The following DOK6 variants were observed in gnomAD, a reference collection of about 807,000 sequenced individuals.
DOK6 encodes the protein downstream of tyrosine kinase 6.
A neutral mutation model predicts 44.0 loss-of-function variants in DOK6; 22 were observed. That is an observed-to-expected ratio of 0.50 (90% CI 0.36 to 0.71). The LOEUF (loss-of-function observed/expected upper bound fraction) is 0.71. Ranked by LOEUF, DOK6 falls within the 30% of genes least tolerant of loss-of-function variation. DOK6 has a pLI of 0.00. For synonymous variants in DOK6, 166 were observed against 145.5 expected, an observed-to-expected ratio of 1.14 and a Z score of -1.01; for missense variants, 340 against 416.4, an observed-to-expected ratio of 0.82 and a Z score of 1.60.
intron 1 of DOK6, among the ~76,000 whole-genome samples, chr18:69,459,342 T>C (rs954802413): frequency 3.3e-5 from 5 of 152,066 alleles, no homozygotes; most frequent in Non-Finnish European, 5.9e-5. Context: ...GTTAATATTA[T>C]GTGCTTGTTT....
At chr18:69,692,666 AT>A (rs1210836396) in intron 4 of DOK6, among the ~76,000 whole-genome samples, 2 of 152,206 alleles carry the variant, frequency 1.3e-5, no homozygotes, top group African/African-American at 2.4e-5. Context: ...TAGAGTTGAC[AT>A]TTGCCATTTA....
chr18:69,617,712 A>AAAGG, intron 3 of DOK6, among the ~76,000 whole-genome samples: 1 of 97,300 alleles, frequency 1.0e-5, no homozygotes, highest in African/African-American at 3.1e-5. Context: ...AAGAGAAAAG[A>AAAGG]AAGAAAGAAA....
chr18:69,706,514 CTTT>C (rs34689612), intron 5 of DOK6, among the ~76,000 whole-genome samples: 3 of 147,512 alleles, frequency 2.0e-5, no homozygotes, highest in South Asian at 2.1e-4. Flanking sequence ...TCAAGAAACT[CTTT>C]TTTTTTTTAA....
At chr18:69,483,013 G>A (rs994634557) in intron 1 of DOK6, among the ~76,000 whole-genome samples, 2 of 151,712 alleles carry the variant, frequency 1.3e-5, no homozygotes, top group Admixed American at 1.3e-4. Context: ...TAGCCATTAG[G>A]TATATTTTCT....
At chr18:69,458,562 G>T (rs1440082749) in intron 1 of DOK6, among the ~76,000 whole-genome samples, 1 of 152,040 alleles carries the variant, frequency 6.6e-6, no homozygotes, top group African/African-American at 2.4e-5. Flanking sequence ...CAAGGGAAAG[G>T]AATAAAAGGA....
chr18:69,627,310 T>C (rs72959701), intron 3 of DOK6, among the ~76,000 whole-genome samples: 13,195 of 152,218 alleles, frequency 0.087, 635 homozygotes, highest in African/African-American at 0.13. Context: ...ACATTTCAGT[T>C]GGTTGTTTGC....
rs868651467 is a variant in DOK6, at chr18:69,740,469, C to G, written c.738+1366C>G. On this transcript the variant is annotated intron_variant, in intron 6 of 7. Transcript: ENST00000382713. ...ATGATGTCACTTGCTATTAGTTAAC[C>G]TCTGTACTTCTTTACTTATAGTTGT... Among the ~76,000 whole-genome samples the G allele has an allele frequency of 2.0e-5, 3 of 152,210 alleles. No individual in the cohort carries two copies. The South Asian group carries it at 6.2e-4, about 32-fold the overall frequency.
intron 1 of DOK6, among the ~76,000 whole-genome samples, chr18:69,539,850 G>T (rs1982221641): frequency 6.6e-6 from 1 of 152,186 alleles, no homozygotes; most frequent in Middle Eastern, 3.4e-3. Context: ...AATGAAATAT[G>T]TATTAGTTTG....
At chr18:69,790,460 C>G (rs923132093) in intron 7 of DOK6, among the ~76,000 whole-genome samples, 10 of 152,018 alleles carry the variant, frequency 6.6e-5, no homozygotes, top group Non-Finnish European at 1.3e-4. Context: ...TTTCTGAGAA[C>G]CACTAAATTA....
At chr18:69,603,585 C>A (rs1983923235) in intron 3 of DOK6, among the ~76,000 whole-genome samples, 1 of 152,084 alleles carries the variant, frequency 6.6e-6, no homozygotes, top group African/African-American at 2.4e-5. Flanking sequence ...TCCTGGCTAG[C>A]ACGGTGAAAC....
At chr18:69,448,822 C>A (rs1353296868) in intron 1 of DOK6, among the ~76,000 whole-genome samples, 1 of 152,006 alleles carries the variant, frequency 6.6e-6, no homozygotes, top group Non-Finnish European at 1.5e-5. Flanking sequence ...TTTATTCTAC[C>A]AATACTGAGT....
chr18:69,433,928 A>G (rs370897667), intron 1 of DOK6, among the ~76,000 whole-genome samples: 1 of 152,198 alleles, frequency 6.6e-6, no homozygotes, highest in East Asian at 1.9e-4. Context: ...TTCCCAACGC[A>G]TGGCTAATGT....
chr18:69,448,689 T>C (rs931612021), intron 1 of DOK6, among the ~76,000 whole-genome samples: 2 of 152,204 alleles, frequency 1.3e-5, no homozygotes, highest in African/African-American at 2.4e-5. Flanking sequence ...TGATTCTTAA[T>C]AGTTGATTAT....
intron 7 of DOK6, among the ~76,000 whole-genome samples, chr18:69,787,754 T>A (rs1980475498): frequency 6.6e-6 from 1 of 152,136 alleles, no homozygotes; most frequent in South Asian, 2.1e-4. Context: ...GACAGATACA[T>A]GAAGGGAAGG....
At chr18:69,751,227 CAAAAT>C (rs1979167109) in intron 6 of DOK6, among the ~76,000 whole-genome samples, 1 of 151,954 alleles carries the variant, frequency 6.6e-6, no homozygotes, top group Non-Finnish European at 1.5e-5. Flanking sequence ...TTGTACATTT[CAAAAT>C]TACCAAGTAA....
At chr18:69,518,453 A>G (rs555264825) in intron 1 of DOK6, among the ~76,000 whole-genome samples, 1 of 152,254 alleles carries the variant, frequency 6.6e-6, no homozygotes, top group East Asian at 1.9e-4. Context: ...GTCAGTTATA[A>G]GGAAATACCT....
At chr18:69,818,858 T>C (rs1332660126) in intron 7 of DOK6, among the ~76,000 whole-genome samples, 4 of 152,122 alleles carry the variant, frequency 2.6e-5, no homozygotes, top group African/African-American at 9.7e-5. Flanking sequence ...AGCCCTGGGA[T>C]TTGGCACAAC....
chr18:69,449,172 A>C (rs1979382560), intron 1 of DOK6, among the ~76,000 whole-genome samples: 1 of 152,216 alleles, frequency 6.6e-6, no homozygotes, highest in African/African-American at 2.4e-5. Context: ...ATATTTATGC[A>C]AAGAGTTTAT....
At chr18:69,562,007 A>G (rs1343041185) in intron 1 of DOK6, among the ~76,000 whole-genome samples, 1 of 152,198 alleles carries the variant, frequency 6.6e-6, no homozygotes, top group Non-Finnish European at 1.5e-5. Context: ...CCTTCTATTG[A>G]TTTCCTCATG....
Sources: gnomAD v4.1 joint callset for allele counts (sites outside exome capture counted in the v4.1 genomes callset) on GRCh38, gnomAD v4.1.1 for gene constraint, MANE v1.5 for transcripts, NCBI Gene and HGNC (gene_info 2026-07-23, HGNC 2026-07-21) for gene names.